The following TNRC6A variants were observed in gnomAD, a reference collection of about 807,000 sequenced individuals.
TNRC6A encodes trinucleotide repeat containing adaptor 6A.
In TNRC6A, 44 loss-of-function variants were observed where a neutral mutation model predicts 221.2. That is an observed-to-expected ratio of 0.20 (90% CI 0.16 to 0.26). The LOEUF is 0.26. Ranked by LOEUF, TNRC6A falls within the 10% of genes least tolerant of loss-of-function variation. TNRC6A has a pLI of 1.00. For synonymous variants in TNRC6A, 847 were observed against 838.5 expected (o/e 1.01, Z -0.18); for missense variants, 2,199 against 2,404.4 (o/e 0.91, Z 1.79).
At chr16:24,617,581 T>C (rs553084387) in intron 1 of TNRC6A, among the ~76,000 whole-genome samples, 2 of 152,338 alleles carry the variant, frequency 1.3e-5, no homozygotes, top group East Asian at 3.9e-4. Context: ...GCACTTACCC[T>C]GTGTCAAGTA....
chr16:24,750,786 GA>G lies in TNRC6A; in HGVS notation c.119del (p.Lys40ArgfsTer20). ...EEKKKKKDDK[K>X]KKEAAQKKAT... ...AAAAGAAAAAGAAAAAAGACGACAAGAAAAAGAAGGAAGCTGCTCAAAAGAA... is the reference window on the plus strand; with the variant it reads ...AAAAGAAAAAGAAAAAAGACGACAAGAAAAGAAGGAAGCTGCTCAAAAGAA... On this transcript the variant is annotated frameshift_variant, in exon 3 of 25. Transcript: ENST00000395799. LOFTEE classifies it high-confidence loss of function. 6.4e-7 allele frequency: 1 copy of G among 1,564,900 alleles called. No homozygotes were observed. The highest frequency in any genetic ancestry group is 1.4e-5 in the African/African-American group (1 of 72,610).
chr16:24,674,731 CACACACAT>C (rs2055373823), intron 2 of TNRC6A, among the ~76,000 whole-genome samples: 1 of 144,640 alleles, frequency 6.9e-6, no homozygotes, highest in Non-Finnish European at 1.5e-5. Context: ...CACACACACA[CACACACAT>C]CTTTGTCTAA....
intron 2 of TNRC6A, among the ~76,000 whole-genome samples, chr16:24,735,306 A>T (rs1302152558): frequency 6.6e-6 from 1 of 152,244 alleles, no homozygotes; most frequent in African/African-American, 2.4e-5. Context: ...TGACTAGGAC[A>T]GCAGGAGTAA....
chr16:24,780,328 C>CAAA (rs2057814251), intron 5 of TNRC6A, among the ~76,000 whole-genome samples: 1 of 152,140 alleles, frequency 6.6e-6, no homozygotes, highest in South Asian at 2.1e-4. Context: ...AGTAAGTATG[C>CAAA]AAACATTATG....
intron 1 of TNRC6A, among the ~76,000 whole-genome samples, chr16:24,638,227 G>T (rs13337361): frequency 0.014 from 2,196 of 152,242 alleles, 137 homozygotes; most frequent in Admixed American, 0.11. Flanking sequence ...AGACCAGCCT[G>T]GGTGACATAG....
intron 4 of TNRC6A, among the ~76,000 whole-genome samples, chr16:24,766,648 A>G (rs532028220): frequency 4.6e-5 from 7 of 151,018 alleles, no homozygotes; most frequent in Admixed American, 1.3e-4. Context: ...TGCCATGCAT[A>G]ATCACTTGTA....
At chr16:24,660,658 G>A (rs1025861173) in intron 2 of TNRC6A, among the ~76,000 whole-genome samples, 2 of 150,242 alleles carry the variant, frequency 1.3e-5, no homozygotes. Flanking sequence ...TGTCTAGGTT[G>A]CCTCCCTTAA....
chr16:24,777,388 C>T, intron 5 of TNRC6A, 30 bp downstream of exon 5: 2 of 1,583,884 alleles, frequency 1.3e-6, no homozygotes, highest in Non-Finnish European at 1.7e-6. Context: ...ACGAGACTCA[C>T]ACCTTATCAT....
At chr16:24,805,254 G>T in intron 14 of TNRC6A, 103 bp downstream of exon 14, 1 of 1,449,578 alleles carries the variant, frequency 6.9e-7, no homozygotes. Context: ...ATATTTATTG[G>T]CATCTTTGAG....
In TNRC6A at chr16:24,790,504, C is replaced by G; in HGVS notation, c.1862C>G (p.Pro621Arg). 1.2e-6 allele frequency: 2 copies of G among 1,614,176 alleles called. No individual in the cohort carries two copies. The highest frequency in any genetic ancestry group is 2.2e-5 in the South Asian group (2 of 91,084). Residue 621 changes from proline (P) to arginine (R), a missense_variant, in exon 6 of 25, where the codon CCT becomes CGT. Around this residue, in one of 8 missense-constraint regions of TNRC6A, gnomAD observed 1,405 missense variants for 1,400.2 expected, o/e 1.00. Coordinates refer to ENST00000395799, the MANE Select transcript of TNRC6A (RefSeq NM_014494.4). ...CCCAGCGTTGAGTGGAACAAACTGCCTAGCAATCAGCATTCCAATGATAGT... is the reference window on the plus strand; with the variant it reads ...CCCAGCGTTGAGTGGAACAAACTGCGTAGCAATCAGCATTCCAATGATAGT... ...NLPSVEWNKL[P>R]SNQHSNDSAN...
chr16:24,789,567 A>G lies in TNRC6A; in HGVS notation c.925A>G (p.Ser309Gly), dbSNP rs1486693972. The G allele has an allele frequency of 1.2e-6, 2 of 1,614,162 alleles. No homozygotes were observed. Among genetic ancestry groups the G allele is most frequent in the Admixed American group, 3.3e-5 (2 of 60,036 alleles). Residue 309 changes from serine (S) to glycine (G), a missense_variant, in exon 6 of 25, where the codon AGT becomes GGT. Around this residue, in one of 8 missense-constraint regions of TNRC6A, gnomAD observed 1,405 missense variants for 1,400.2 expected, o/e 1.00. Coordinates refer to ENST00000395799, the MANE Select transcript of TNRC6A (RefSeq NM_014494.4). ...CAGCAATAATGTGGGCCATGGAAGT[A>G]GTACTGGGCCATGGGGTTTTTCCCA... ...SSSNNVGHGSSTGPWGFSHGA... is the reference protein window; with the variant it reads ...SSSNNVGHGSGTGPWGFSHGA...
intron 2 of TNRC6A, among the ~76,000 whole-genome samples, chr16:24,669,075 G>A (rs1407565354): frequency 1.3e-5 from 2 of 151,986 alleles, no homozygotes; most frequent in Non-Finnish European, 2.9e-5. Flanking sequence ...ACCAATGAAA[G>A]GGGGATCAAT....
At chr16:24,614,694 C>A (rs549883835) in intron 1 of TNRC6A, among the ~76,000 whole-genome samples, 3 of 152,144 alleles carry the variant, frequency 2.0e-5, no homozygotes, top group Admixed American at 2.0e-4. Context: ...GTGTTCTAGG[C>A]AAGGCAAGAG....
chr16:24,739,676 A>C (rs2056851175), intron 2 of TNRC6A, among the ~76,000 whole-genome samples: 2 of 151,844 alleles, frequency 1.3e-5, no homozygotes, highest in Admixed American at 1.3e-4. Flanking sequence ...ACAGAATTTC[A>C]CCATGTTGGC....
chr16:24,812,456 G>A (rs923969210), intron 18 of TNRC6A, among the ~76,000 whole-genome samples: 8 of 152,124 alleles, frequency 5.3e-5, no homozygotes, highest in Non-Finnish European at 1.0e-4. Context: ...GCTACTAATT[G>A]ACTCTGTTAT....
At chr16:24,616,198 C>T (rs1389933179) in intron 1 of TNRC6A, among the ~76,000 whole-genome samples, 6 of 151,230 alleles carry the variant, frequency 4.0e-5, no homozygotes, top group African/African-American at 1.5e-4. Context: ...TGGTGGTGGA[C>T]ACCTGTAATC....
chr16:24,706,859 T>C (rs1433179990), intron 2 of TNRC6A, among the ~76,000 whole-genome samples: 2 of 152,036 alleles, frequency 1.3e-5, no homozygotes, highest in African/African-American at 4.8e-5. Context: ...AGTGCAGTAA[T>C]TGCTGTTAGA....
intron 7 of TNRC6A, 85 bp from the exon 8 acceptor site, chr16:24,794,459 A>G: frequency 6.9e-7 from 1 of 1,442,772 alleles, no homozygotes; most frequent in Non-Finnish European, 9.3e-7. Context: ...TAGGTTCTCT[A>G]CCCAATTTTT....
chr16:24,709,873 C>T, intron 2 of TNRC6A, among the ~76,000 whole-genome samples: 1 of 149,894 alleles, frequency 6.7e-6, no homozygotes, highest in East Asian at 2.0e-4. Context: ...GGCTATTCCA[C>T]TTCGATGATT....
Sources: gnomAD v4.1 joint callset for allele counts (sites outside exome capture counted in the v4.1 genomes callset) on GRCh38, gnomAD v4.1.1 for gene constraint, gnomAD v4.1.1 regional missense constraint, MANE v1.5 for transcripts, NCBI Gene and HGNC (gene_info 2026-07-23, HGNC 2026-07-21) for gene names.